Variants in NEK1 observed in about 807,000 individuals in gnomAD.
NEK1 encodes serine/threonine-protein kinase Nek1.
NEK1 carries 137 observed loss-of-function variants against 182.1 expected under a neutral mutation model. The ratio of observed to expected loss-of-function variants is 0.75; its 90% confidence interval spans 0.65 to 0.87. NEK1 has a LOEUF of 0.87. Ranked by LOEUF, NEK1 falls within the 40% of genes least tolerant of loss-of-function variation. NEK1 has a pLI of 0.00. For synonymous variants in NEK1, 513 were observed against 492.2 expected, an observed-to-expected ratio of 1.04 and a Z score of -0.56; for missense variants, 1,391 against 1,494.4, an observed-to-expected ratio of 0.93 and a Z score of 1.14.
chr4:169,495,488 C>T (rs1404019483), intron 23 of NEK1, among the ~76,000 whole-genome samples: 1 of 151,986 alleles, frequency 6.6e-6, no homozygotes, highest in East Asian at 1.9e-4. Flanking sequence ...GTGATCCGCC[C>T]GTCTCGGCCT....
chr4:169,581,805 C>T (rs1459436188), intron 10 of NEK1, among the ~76,000 whole-genome samples: 1 of 152,086 alleles, frequency 6.6e-6, no homozygotes, highest in Non-Finnish European at 1.5e-5. Flanking sequence ...ATCTAGTAAT[C>T]TCTCAGTTAT....
At chr4:169,546,993 T>C (rs1260751210) in intron 18 of NEK1, among the ~76,000 whole-genome samples, 1 of 152,224 alleles carries the variant, frequency 6.6e-6, no homozygotes, top group Non-Finnish European at 1.5e-5. Flanking sequence ...AATATTGTTA[T>C]GTGTGAATTA....
At chr4:169,501,010 C>G (rs562228884) in intron 23 of NEK1, among the ~76,000 whole-genome samples, 1 of 152,198 alleles carries the variant, frequency 6.6e-6, no homozygotes, top group Admixed American at 6.5e-5. Flanking sequence ...TTCAAGAGAC[C>G]CATCTCACAT....
rs1014461580 is a variant in NEK1 at position 169,438,243 on chromosome 4, C to T, written c.2604G>A (p.Gly868=). ...CAGTAATTAAGGGTTTGTACTTTTC[C>T]CCTTCGGGAGAAATCTCTGTGAAAA... is the stretch of plus-strand genomic sequence containing the variant. ...TTIRSEISPE[G]EKYKPLITGE... The change falls in exon 28 of 36, where the codon GGG becomes GGA. Residue 868 remains glycine (G), a synonymous_variant. Transcript: ENST00000507142. 12 of 1,539,066 alleles carry T rather than the reference C, an allele frequency of 7.8e-6. No homozygotes were observed. The highest frequency in any genetic ancestry group is 9.6e-6 in the Non-Finnish European group (11 of 1,140,602).
At chr4:169,556,125 T>C in intron 16 of NEK1, 30 bp from the exon 17 acceptor site, 3 of 1,595,168 alleles carry the variant, frequency 1.9e-6, no homozygotes, top group Non-Finnish European at 2.6e-6. Context: ...CTCTCACATG[T>C]TTATCTTATA....
chr4:169,532,757 A>G (rs957876607), intron 19 of NEK1, among the ~76,000 whole-genome samples: 2 of 150,160 alleles, frequency 1.3e-5, no homozygotes, highest in African/African-American at 4.9e-5. Flanking sequence ...CTGGGCAACA[A>G]GGTGAAATCC....
chr4:169,457,603 AAAGG>A (rs533466185), intron 27 of NEK1, among the ~76,000 whole-genome samples: 4 of 150,288 alleles, frequency 2.7e-5, no homozygotes, highest in Non-Finnish European at 5.9e-5. Flanking sequence ...AAAAAGAAAG[AAAGG>A]GAGAAAAGGA....
At chr4:169,424,521 GATA>G (rs1276794369) in intron 31 of NEK1, 29 bp downstream of exon 31, 3 of 1,534,838 alleles carry the variant, frequency 2.0e-6, no homozygotes, top group East Asian at 4.5e-5. Context: ...TTATCGAATG[GATA>G]ATATTTTCCA....
intron 23 of NEK1, among the ~76,000 whole-genome samples, chr4:169,488,176 A>C (rs927555935): frequency 3.3e-5 from 5 of 152,032 alleles, no homozygotes; most frequent in African/African-American, 1.2e-4. Flanking sequence ...TCTTTAGTTA[A>C]TTAGATCCCA....
chr4:169,569,896 C>T (rs1183320988), intron 12 of NEK1, among the ~76,000 whole-genome samples: 1 of 152,226 alleles, frequency 6.6e-6, no homozygotes, highest in East Asian at 1.9e-4. Context: ...GAGATTGTAG[C>T]CTCTGCCCAG....
intron 3 of NEK1, 89 bp downstream of exon 3, chr4:169,602,425 C>CTTT: frequency 1.6e-5 from 10 of 624,898 alleles, no homozygotes; most frequent in Admixed American, 3.2e-5. Context: ...TTATCGATTA[C>CTTT]TTTTTTTTTT....
Position 169,475,722 on chromosome 4 carries a change from T to C in NEK1, c.2434+1402A>G, listed in dbSNP as rs115373752. ...ATAAAATTTTCACAACTGTATTCCA[T>C]ATGATCAAAAAAGTTAAGTAGAGAC... On this transcript the variant is annotated intron_variant, in intron 26 of 35. Coordinates refer to ENST00000507142, the MANE Select transcript of NEK1 (RefSeq NM_001199397.3). Among the ~76,000 whole-genome samples, 419 of 152,216 alleles carry C rather than the reference T, an allele frequency of 2.8e-3. 4 individuals are homozygous for C. Among genetic ancestry groups the C allele is most frequent in the African/African-American group, 9.8e-3 (407 of 41,558 alleles).
chr4:169,434,042 T>C (rs1384346201), intron 28 of NEK1, among the ~76,000 whole-genome samples: 2 of 152,110 alleles, frequency 1.3e-5, no homozygotes, highest in African/African-American at 2.4e-5. Flanking sequence ...TATGGAAGAA[T>C]AGACTGTGAT....
rs1260670288 is a variant in NEK1, at chr4:169,393,055, C to T, written c.*1455G>A. On this transcript the variant is annotated 3_prime_UTR_variant, in exon 36 of 36. Coordinates refer to ENST00000507142, the MANE Select transcript of NEK1 (RefSeq NM_001199397.3). ...ACAATTTTTTTCTACCATATTATAC[C>T]CTTTTCTAATAGTTGTAATAGTTTA... is the stretch of plus-strand genomic sequence containing the variant. 6.6e-6 allele frequency: 1 copy of T among 151,978 alleles called. No homozygotes were observed. Among genetic ancestry groups the T allele is most frequent in the Non-Finnish European group, 1.5e-5 (1 of 67,996 alleles). 9.4% of individuals were successfully genotyped at this position (151,978 alleles called of 1,614,324 possible).
At chr4:169,413,783 G>A (rs376161965) in intron 31 of NEK1, among the ~76,000 whole-genome samples, 8 of 152,216 alleles carry the variant, frequency 5.3e-5, no homozygotes, top group African/African-American at 9.6e-5. Flanking sequence ...TTGGGAAGCC[G>A]AGGTGGGCAG....
intron 18 of NEK1, among the ~76,000 whole-genome samples, chr4:169,546,066 T>A (rs1040153106): frequency 5.9e-5 from 9 of 152,222 alleles, no homozygotes; most frequent in African/African-American, 2.2e-4. Context: ...ATTCTTCTAA[T>A]TGTGATGTTA....
intron 12 of NEK1, among the ~76,000 whole-genome samples, chr4:169,569,806 C>T (rs1296176165): frequency 6.6e-6 from 1 of 152,198 alleles, no homozygotes. Flanking sequence ...CAATGGTGCC[C>T]AGGCTGGAGT....
chr4:169,428,351 G>GAGATATATATAT (rs71590009), intron 29 of NEK1, among the ~76,000 whole-genome samples: 1 of 93,224 alleles, frequency 1.1e-5, no homozygotes, highest in African/African-American at 3.3e-5. Flanking sequence ...AAATATATGG[G>GAGATATATATAT]ATATATATAT....
intron 26 of NEK1, among the ~76,000 whole-genome samples, chr4:169,468,339 T>C (rs1272639291): frequency 6.6e-6 from 1 of 152,072 alleles, no homozygotes; most frequent in Non-Finnish European, 1.5e-5. Context: ...CAGAGAACGA[T>C]TAGGCAGGGG....
Sources: gnomAD v4.1 joint callset for allele counts (sites outside exome capture counted in the v4.1 genomes callset) on GRCh38, gnomAD v4.1.1 for gene constraint, MANE v1.5 for transcripts, NCBI Gene and HGNC (gene_info 2026-07-23, HGNC 2026-07-21) for gene names.